LRRC49: variants seen among roughly 807,000 people sequenced by gnomAD.
The protein encoded by LRRC49 is leucine rich repeat containing 49.
A neutral mutation model predicts 83.3 loss-of-function variants in LRRC49; 50 were observed. The observed-to-expected ratio is 0.60, with a 90% confidence interval of 0.48 to 0.76. LRRC49 has a LOEUF of 0.76. LRRC49 is among the 30% of genes least tolerant of loss of function. The pLI is 0.00. For missense variants in LRRC49, 704 were observed against 809.1 expected (o/e 0.87, Z 1.58); for synonymous variants, 286 against 283.3 (o/e 1.01, Z -0.10).
At position 70,952,764 on chromosome 15, in the gene LRRC49, A is replaced by C. The variant is rs1270069508; in HGVS notation, c.774-11021A>C. Among the ~76,000 whole-genome samples, 3 of 152,106 alleles carry C rather than the reference A, an allele frequency of 2.0e-5. No individual in the cohort carries two copies. The East Asian group carries it at 5.8e-4, about 29-fold the overall frequency. On this transcript the variant is annotated intron_variant, in intron 8 of 15. Transcript: ENST00000260382. Reference sequence around the variant, plus strand: ...TGAGTATTATTGTTTGGTTGTCTGAATCTCTTCACAGATCGCTAAGAACTT... The same window carrying C: ...TGAGTATTATTGTTTGGTTGTCTGACTCTCTTCACAGATCGCTAAGAACTT...
intron 11 of LRRC49, among the ~76,000 whole-genome samples, chr15:70,999,677 A>G (rs1459264790): frequency 2.0e-5 from 3 of 152,042 alleles, no homozygotes; most frequent in African/African-American, 7.2e-5. Flanking sequence ...CTGACCCTGG[A>G]CATATATGTG....
intron 1 of LRRC49, chr15:70,893,152 T>C: frequency 3.2e-6 from 2 of 622,664 alleles, no homozygotes; most frequent in South Asian, 3.9e-5. Context: ...GGATCTGGGC[T>C]CCCCAGAAGG....
intron 7 of LRRC49, among the ~76,000 whole-genome samples, chr15:70,925,930 C>G (rs1235306854): frequency 6.6e-6 from 1 of 152,126 alleles, no homozygotes; most frequent in African/African-American, 2.4e-5. Context: ...CAGAAAGTTT[C>G]CTTGTGCCTC....
At chr15:70,856,647 G>T (rs931082631) in intron 1 of LRRC49, among the ~76,000 whole-genome samples, 1 of 152,192 alleles carries the variant, frequency 6.6e-6, no homozygotes, top group East Asian at 1.9e-4. Context: ...GCCTAGAGGA[G>T]CGGAGGACAG....
intron 14 of LRRC49, among the ~76,000 whole-genome samples, chr15:71,019,812 G>A (rs1567102417): frequency 2.0e-5 from 3 of 152,048 alleles, no homozygotes. Flanking sequence ...CTAAATATCT[G>A]GAAAAAGCAA....
At chr15:70,885,673 C>A (rs1322123841) in intron 2 of LRRC49, among the ~76,000 whole-genome samples, 1 of 152,116 alleles carries the variant, frequency 6.6e-6, no homozygotes, top group Admixed American at 6.5e-5. Context: ...TATATACATA[C>A]CTAATAACAT....
intron 15 of LRRC49, among the ~76,000 whole-genome samples, chr15:71,042,336 G>A (rs941990993): frequency 8.5e-5 from 13 of 152,052 alleles, no homozygotes; most frequent in African/African-American, 2.9e-4. Flanking sequence ...AAAGTGATAT[G>A]AGCAATAATT....
chr15:70,859,623 A>G, intron 1 of LRRC49: 2 of 642,160 alleles, frequency 3.1e-6, no homozygotes. Flanking sequence ...CAGCCTATAA[A>G]GACTGAGATC....
At chr15:70,854,288 C>T (rs1488397118) in intron 1 of LRRC49, 6 of 188,412 alleles carry the variant, frequency 3.2e-5, no homozygotes, top group East Asian at 3.4e-4. Flanking sequence ...GCTAGTGGAG[C>T]GCCCGCGCAG....
chr15:70,860,975 C>T (rs1234049289), intron 1 of LRRC49, among the ~76,000 whole-genome samples: 4 of 152,300 alleles, frequency 2.6e-5, no homozygotes, highest in Admixed American at 6.5e-5. Flanking sequence ...CTAAAGTGGC[C>T]TTGTCGAACC....
At position 70,898,786 on chromosome 15, in the gene LRRC49, AAAAG is replaced by A. The variant is rs554612293; in HGVS notation, c.194-2124_194-2121del. 1.1e-3 allele frequency among the ~76,000 whole-genome samples: 163 copies of A among 152,258 alleles called. 1 individual carries two copies. The highest frequency in any genetic ancestry group is 6.8e-3 in the Middle Eastern group (2 of 294). On this transcript the variant is annotated intron_variant, in intron 3 of 15. Coordinates refer to ENST00000260382, the MANE Select transcript of LRRC49 (RefSeq NM_017691.5). ...GGTGACAGAGCAAGACCCTGTCTCA[AAAAG>A]AAAGAAAGAAAAAGGAAATAAACAG...
At chr15:70,919,024 C>A (rs200668600) in intron 6 of LRRC49, 26 bp from the exon 7 acceptor site, 12 of 1,584,002 alleles carry the variant, frequency 7.6e-6, no homozygotes, top group Middle Eastern at 3.7e-4. Context: ...GCCTGCTAAT[C>A]ACCCTTCTCC....
chr15:70,965,026 T>G (rs2036745855), intron 9 of LRRC49, among the ~76,000 whole-genome samples: 1 of 152,166 alleles, frequency 6.6e-6, no homozygotes, highest in Non-Finnish European at 1.5e-5. Context: ...CTCTATTCCA[T>G]GGTGGAGCTA....
intron 8 of LRRC49, among the ~76,000 whole-genome samples, chr15:70,948,388 T>C (rs1303661899): frequency 6.6e-6 from 1 of 152,164 alleles, no homozygotes; most frequent in Non-Finnish European, 1.5e-5. Context: ...GCATTAACCC[T>C]TGGAGTCACG....
At chr15:70,909,625 C>T (rs756904040) in intron 5 of LRRC49, among the ~76,000 whole-genome samples, 45 of 151,968 alleles carry the variant, frequency 3.0e-4, no homozygotes, top group Non-Finnish European at 5.4e-4. Context: ...CGGATCACCA[C>T]GTCAAGAGAT....
intron 5 of LRRC49, chr15:70,907,943 T>G (rs1567046300): frequency 2.2e-6 from 1 of 456,026 alleles, no homozygotes; most frequent in East Asian, 6.9e-5. Flanking sequence ...AGTAGGGGCC[T>G]TCTAGGTCAA....
chr15:70,882,669 A>C, intron 2 of LRRC49: 1 of 1,612,684 alleles, frequency 6.2e-7, no homozygotes, highest in South Asian at 1.1e-5. Context: ...GAATAAGCAT[A>C]AGTACCTATG....
At chr15:71,022,114 T>A (rs1328800427) in intron 14 of LRRC49, among the ~76,000 whole-genome samples, 1 of 152,174 alleles carries the variant, frequency 6.6e-6, no homozygotes, top group East Asian at 1.9e-4. Flanking sequence ...GGCTCATGCC[T>A]ATAATCCCAG....
chr15:70,950,661 C>T (rs764137100), intron 8 of LRRC49, among the ~76,000 whole-genome samples: 4 of 151,980 alleles, frequency 2.6e-5, no homozygotes, highest in Admixed American at 1.3e-4. Context: ...GGATATTAGA[C>T]CTTTGTCAGA....
Sources: allele counts gnomAD v4.1 joint callset (sites outside exome capture counted in the v4.1 genomes callset), GRCh38; gene constraint gnomAD v4.1.1; transcripts MANE v1.5; gene names NCBI Gene and HGNC (gene_info 2026-07-23, HGNC 2026-07-21).